The following ANKS1B variants were observed in gnomAD, a reference collection of about 807,000 sequenced individuals.
ANKS1B encodes ankyrin repeat and sterile alpha motif domain-containing protein 1B.
A neutral mutation model predicts 148.3 loss-of-function variants in ANKS1B; 36 were observed. That is an observed-to-expected ratio of 0.24 (90% CI 0.19 to 0.32). The LOEUF (loss-of-function observed/expected upper bound fraction) is 0.32, where lower values mean the gene tolerates loss of function less well. ANKS1B is among the 10% of genes least tolerant of loss of function. The probability of loss-of-function intolerance (pLI) is 1.00; values close to 1 mark genes in which losing one functional copy is unlikely to be tolerated. For missense variants in ANKS1B, 1,157 were observed against 1,542.6 expected (o/e 0.75, Z 4.19); for synonymous variants, 542 against 560.8 (o/e 0.97, Z 0.47).
intron 9 of ANKS1B, among the ~76,000 whole-genome samples, chr12:99,511,029 T>G (rs145380445): frequency 6.6e-6 from 1 of 151,978 alleles, no homozygotes; most frequent in Non-Finnish European, 1.5e-5. Context: ...TTCTCTTGCC[T>G]GATTGCCCTG....
At chr12:99,719,018 ACTC>A (rs1303325991) in intron 8 of ANKS1B, among the ~76,000 whole-genome samples, 2 of 151,602 alleles carry the variant, frequency 1.3e-5, no homozygotes, top group Non-Finnish European at 2.9e-5. Context: ...CAAAACAACA[ACTC>A]CTTTCCTTCC....
intron 25 of ANKS1B, among the ~76,000 whole-genome samples, chr12:98,752,351 C>T (rs748593010): frequency 6.6e-6 from 1 of 151,892 alleles, no homozygotes; most frequent in Non-Finnish European, 1.5e-5. Context: ...CTCCACCTCC[C>T]GGGTTCAAGC....
chr12:99,089,624 G>C (rs1442590687), intron 15 of ANKS1B, among the ~76,000 whole-genome samples: 1 of 152,154 alleles, frequency 6.6e-6, no homozygotes, highest in Non-Finnish European at 1.5e-5. Flanking sequence ...AAATACTCAT[G>C]AGTTTTTCTC....
At chr12:99,203,243 G>C (rs1330623525) in intron 14 of ANKS1B, among the ~76,000 whole-genome samples, 2 of 152,132 alleles carry the variant, frequency 1.3e-5, no homozygotes, top group Non-Finnish European at 2.9e-5. Context: ...CATGATCAGA[G>C]TCCTACCTCT....
chr12:99,371,867 A>T (rs905762288), intron 12 of ANKS1B, among the ~76,000 whole-genome samples: 3 of 152,166 alleles, frequency 2.0e-5, no homozygotes, highest in Admixed American at 2.0e-4. Flanking sequence ...CACCTGTACT[A>T]ATAATAATGC....
intron 1 of ANKS1B, among the ~76,000 whole-genome samples, chr12:99,940,412 A>G (rs2094890028): frequency 6.6e-6 from 1 of 152,160 alleles, no homozygotes; most frequent in Admixed American, 6.6e-5. Context: ...AAACAAAACA[A>G]AAACATTTAT....
At chr12:98,779,665 C>A (rs2098714702) in intron 24 of ANKS1B, among the ~76,000 whole-genome samples, 1 of 152,114 alleles carries the variant, frequency 6.6e-6, no homozygotes, top group South Asian at 2.1e-4. Context: ...GGTATCTTTG[C>A]CATTCTATAA....
rs544307072 is a variant in ANKS1B, at chr12:99,850,619, T to C, written c.135-25230A>G. Among the ~76,000 whole-genome samples the C allele has an allele frequency of 1.7e-4, 26 of 152,142 alleles. No individual in the cohort carries two copies. The South Asian group carries it at 5.4e-3, about 32-fold the overall frequency. Reference sequence around the variant, plus strand: ...TTTTTATCCCTACAAACTAGTTAGATGCATTTTATAATCCCAAGCAGAAAT... The same window carrying C: ...TTTTTATCCCTACAAACTAGTTAGACGCATTTTATAATCCCAAGCAGAAAT... On this transcript the variant is annotated intron_variant, in intron 1 of 26. Coordinates refer to ENST00000683438, the MANE Select transcript of ANKS1B (RefSeq NM_001352186.2).
intron 17 of ANKS1B, among the ~76,000 whole-genome samples, chr12:98,922,926 C>A (rs1393040025): frequency 6.6e-6 from 1 of 152,120 alleles, no homozygotes; most frequent in Non-Finnish European, 1.5e-5. Flanking sequence ...GCATCACAGT[C>A]AATTTCCTGA....
At chr12:98,982,938 T>G (rs2099914202) in intron 17 of ANKS1B, among the ~76,000 whole-genome samples, 1 of 152,210 alleles carries the variant, frequency 6.6e-6, no homozygotes, top group Non-Finnish European at 1.5e-5. Context: ...ATTTTAAACT[T>G]TAGTAGATTA....
intron 1 of ANKS1B, among the ~76,000 whole-genome samples, chr12:99,887,774 T>C (rs1753844973): frequency 6.6e-6 from 1 of 152,234 alleles, no homozygotes; most frequent in Admixed American, 6.5e-5. Flanking sequence ...TCCTCCTTTT[T>C]CCTAATCCAC....
intron 12 of ANKS1B, among the ~76,000 whole-genome samples, chr12:99,320,590 C>T (rs750217012): frequency 4.6e-5 from 7 of 152,070 alleles, no homozygotes; most frequent in Admixed American, 3.3e-4. Context: ...GTTAGCCATT[C>T]GTCTAATCTT....
rs574215512 is a variant in ANKS1B, at chr12:99,036,255, G to A, written c.2778+16902C>T. On this transcript the variant is annotated intron_variant, in intron 17 of 26. Coordinates refer to ENST00000683438, the MANE Select transcript of ANKS1B (RefSeq NM_001352186.2). ...ATTGCCATATCCTGACAGAATCTGA[G>A]GCCACTCTTGGTATATGAACACAGT... is the stretch of plus-strand genomic sequence containing the variant. 1.1e-4 allele frequency among the ~76,000 whole-genome samples: 16 copies of A among 152,028 alleles called. No individual in the cohort carries two copies. In the East Asian group the frequency reaches 2.7e-3, roughly 26 times the overall value.
chr12:99,679,905 C>G (rs1412179376), intron 8 of ANKS1B, among the ~76,000 whole-genome samples: 1 of 152,116 alleles, frequency 6.6e-6, no homozygotes, highest in Non-Finnish European at 1.5e-5. Context: ...AACTTTTGCT[C>G]CAAGAACTGC....
chr12:99,362,234 A>G (rs1295972308), intron 12 of ANKS1B, among the ~76,000 whole-genome samples: 2 of 152,032 alleles, frequency 1.3e-5, no homozygotes, highest in Admixed American at 1.3e-4. Context: ...TTGATATAAT[A>G]AAACCTTATA....
At position 99,773,019 on chromosome 12, in the gene ANKS1B, G is replaced by C; in HGVS notation, c.1031C>G (p.Ser344Trp). 1 of 1,610,286 alleles carries C rather than the reference G, an allele frequency of 6.2e-7. No individual in the cohort carries two copies. Among genetic ancestry groups the C allele is most frequent in the Non-Finnish European group, 8.5e-7 (1 of 1,177,644 alleles). ...EIKLCQEKDY[S>W]FEDLCHTISD... ...TATTGTGTGGCACAAGTCTTCAAAC[G>C]AATAATCCTTTTCTTGACAGAGTTT... The change falls in exon 8 of 27, where the codon TCG becomes TGG. Residue 344 changes from serine to tryptophan, a missense_variant. By Grantham distance (177) the Ser-to-Trp change is radical. Transcript: ENST00000683438.
In ANKS1B at chr12:99,271,156, C is replaced by T. The variant is rs146629954; in HGVS notation, c.1757-24292G>A. On this transcript the variant is annotated intron_variant, in intron 12 of 26. Coordinates refer to ENST00000683438, the MANE Select transcript of ANKS1B (RefSeq NM_001352186.2). The stretch of plus-strand genomic sequence containing the variant: ...GGCAAATTCAAATTATTTGCAGCTC[C>T]GCCAATTCATCACATTCTTTATGGC... 2.8e-4 allele frequency among the ~76,000 whole-genome samples: 42 copies of T among 152,278 alleles called. No homozygotes were observed. The South Asian group carries it at 4.4e-3, about 16-fold the overall frequency.
At chr12:99,109,942 C>T (rs768865684) in intron 15 of ANKS1B, among the ~76,000 whole-genome samples, 14 of 152,116 alleles carry the variant, frequency 9.2e-5, no homozygotes, top group Non-Finnish European at 4.4e-5. Flanking sequence ...AGAAGGTAAC[C>T]GTGGCCAAAA....
At chr12:99,013,488 A>G (rs1313794867) in intron 17 of ANKS1B, among the ~76,000 whole-genome samples, 2 of 152,170 alleles carry the variant, frequency 1.3e-5, no homozygotes, top group African/African-American at 4.8e-5. Context: ...CTCCTATTCA[A>G]CATAATATTG....
Sources: allele counts gnomAD v4.1 joint callset (sites outside exome capture counted in the v4.1 genomes callset), GRCh38; gene constraint gnomAD v4.1.1; transcripts MANE v1.5; gene names NCBI Gene and HGNC (gene_info 2026-07-23, HGNC 2026-07-21).